Variants in CHM observed in about 807,000 individuals in gnomAD.
CHM encodes rab proteins geranylgeranyltransferase component A 1.
Under a neutral mutation model 49.0 loss-of-function variants are expected in CHM, and 10 were observed. That is an observed-to-expected ratio of 0.20 (90% confidence interval 0.13 to 0.35). CHM has a LOEUF of 0.35. CHM is among the 10% of genes least tolerant of loss of function. The pLI is 1.00. For missense variants in CHM, 455 were observed against 478.4 expected (o/e 0.95, Z 0.46); for synonymous variants, 184 against 167.5 (o/e 1.10, Z -0.76).
chrX:85,940,927 T>C (rs1278651864), intron 8 of CHM, among the ~76,000 whole-genome samples: 1 of 111,239 alleles, frequency 9.0e-6, no homozygotes, highest in Non-Finnish European at 1.9e-5. Context: ...ACTGAAAATT[T>C]TGGAACCCGA....
intron 11 of CHM, among the ~76,000 whole-genome samples, chrX:85,896,980 T>C (rs1230162206): frequency 1.0e-5 from 1 of 95,609 alleles, no homozygotes; most frequent in African/African-American, 3.9e-5. Flanking sequence ...ATACATATAA[T>C]ATATACTATA....
At chrX:86,012,760 T>A (rs754666469) in intron 2 of CHM, among the ~76,000 whole-genome samples, 1 of 111,409 alleles carries the variant, frequency 9.0e-6, no homozygotes, top group Admixed American at 9.6e-5. Context: ...CCTGGCAATA[T>A]AATAGAAATA....
chrX:85,979,516 G>GA (rs1931476448), intron 3 of CHM, among the ~76,000 whole-genome samples: 1 of 111,834 alleles, frequency 8.9e-6, no homozygotes, highest in African/African-American at 3.2e-5. Flanking sequence ...ACTAAGGGTT[G>GA]AAAGTGGTCC....
intron 8 of CHM, among the ~76,000 whole-genome samples, chrX:85,911,743 A>G (rs1186027527): frequency 9.0e-6 from 1 of 111,592 alleles, no homozygotes; most frequent in East Asian, 2.8e-4. Flanking sequence ...AAGACTCTGG[A>G]AAACTCCTAG....
intron 12 of CHM, among the ~76,000 whole-genome samples, chrX:85,887,578 T>G (rs1305314172): frequency 9.0e-6 from 1 of 111,625 alleles, no homozygotes; most frequent in Non-Finnish European, 1.9e-5. Flanking sequence ...ACTTTGGAAC[T>G]GGGTAACAGG....
intron 8 of CHM, among the ~76,000 whole-genome samples, chrX:85,950,010 T>TATATATATATATATA (rs1929656216): frequency 3.5e-5 from 3 of 85,430 alleles, no homozygotes; most frequent in Non-Finnish European, 6.8e-5. Context: ...TATATATATA[T>TATATATATATATATA]CTTGTAATGG....
chrX:85,940,828 C>G (rs1929061323), intron 8 of CHM, among the ~76,000 whole-genome samples: 1 of 111,083 alleles, frequency 9.0e-6, no homozygotes, highest in Non-Finnish European at 1.9e-5. Flanking sequence ...ATCTGAGATT[C>G]CTATAACTTC....
intron 2 of CHM, among the ~76,000 whole-genome samples, chrX:86,019,967 A>G (rs1225009828): frequency 3.2e-5 from 3 of 92,882 alleles, no homozygotes; most frequent in African/African-American, 1.2e-4. Flanking sequence ...AGCATGAAAT[A>G]TGAGTTTGAA....
chrX:85,975,674 A>G lies in CHM; in HGVS notation c.314+3093T>C, dbSNP rs763418243. On this transcript the variant is annotated intron_variant, in intron 4 of 14. Coordinates refer to ENST00000357749, the MANE Select transcript of CHM (RefSeq NM_000390.4). The stretch of plus-strand genomic sequence containing the variant: ...AATGGTAGGGGTGAGTAAGAAGTAG[A>G]TCAGATGTGCTTACAGAAAAATAAT... 1.1e-4 allele frequency among the ~76,000 whole-genome samples: 12 copies of G among 112,572 alleles called. No homozygotes were observed. In the East Asian group the frequency reaches 1.7e-3, roughly 16 times the overall value.
At chrX:85,915,438 A>C (rs1927393075) in intron 8 of CHM, among the ~76,000 whole-genome samples, 1 of 111,931 alleles carries the variant, frequency 8.9e-6, no homozygotes, top group East Asian at 2.8e-4. Flanking sequence ...ACAGTATTGG[A>C]AATTCTGGCC....
At chrX:85,996,876 G>A (rs1225690958) in intron 2 of CHM, among the ~76,000 whole-genome samples, 5 of 111,657 alleles carry the variant, frequency 4.5e-5, no homozygotes, top group Admixed American at 9.5e-5. Flanking sequence ...TGAAAATTGT[G>A]TATTCAGTGA....
intron 8 of CHM, among the ~76,000 whole-genome samples, chrX:85,949,976 T>TAA (rs1470414579): frequency 3.3e-4 from 12 of 36,627 alleles, no homozygotes; most frequent in Middle Eastern, 0.013. Context: ...ACACTGAAAT[T>TAA]AAATATATAT....
chrX:86,034,296 TG>T (rs1255458860), intron 1 of CHM, among the ~76,000 whole-genome samples: 1 of 112,099 alleles, frequency 8.9e-6, no homozygotes, highest in Non-Finnish European at 1.9e-5. Context: ...AAGAGGCTTC[TG>T]TAAAGATGGC....
chrX:85,909,728 A>T (rs1926817535), intron 9 of CHM, among the ~76,000 whole-genome samples: 1 of 112,072 alleles, frequency 8.9e-6, no homozygotes, highest in Non-Finnish European at 1.9e-5. Flanking sequence ...ATACTAGCAT[A>T]CCTTTAAAAA....
At chrX:85,910,241 G>A (rs1173100605) in intron 9 of CHM, among the ~76,000 whole-genome samples, 1 of 111,324 alleles carries the variant, frequency 9.0e-6, no homozygotes, top group East Asian at 2.8e-4. Context: ...GACATTGTAT[G>A]CCACTTAAAC....
intron 9 of CHM, among the ~76,000 whole-genome samples, chrX:85,904,081 T>C (rs961555302): frequency 3.6e-5 from 4 of 111,870 alleles, no homozygotes; most frequent in African/African-American, 1.3e-4. Context: ...CTTTGTATTA[T>C]AAAGATTCAT....
intron 9 of CHM, among the ~76,000 whole-genome samples, chrX:85,904,262 C>T (rs1282050933): frequency 3.6e-5 from 4 of 111,016 alleles, no homozygotes; most frequent in Admixed American, 9.6e-5. Context: ...TGAGGAGGAA[C>T]GTAACAGGTG....
At chrX:85,971,595 C>T (rs1415460838) in intron 4 of CHM, 2 of 293,087 alleles carry the variant, frequency 6.8e-6, no homozygotes, top group African/African-American at 2.8e-5. Flanking sequence ...ACCTAAAGAC[C>T]GAGCAGCAGC....
intron 8 of CHM, among the ~76,000 whole-genome samples, chrX:85,926,900 T>G (rs993589371): frequency 1.8e-5 from 2 of 112,353 alleles, no homozygotes; most frequent in Admixed American, 1.9e-4. Flanking sequence ...TATTCTTACA[T>G]AGAATGCTCA....
Sources: gnomAD v4.1 joint callset for allele counts (sites outside exome capture counted in the v4.1 genomes callset) on GRCh38, gnomAD v4.1.1 for gene constraint, MANE v1.5 for transcripts, NCBI Gene and HGNC (gene_info 2026-07-23, HGNC 2026-07-21) for gene names.